LRRC74B: variants seen among roughly 807,000 people sequenced by gnomAD.
LRRC74B encodes leucine rich repeat containing 74B.
A neutral mutation model predicts 16.6 loss-of-function variants in LRRC74B; 30 were observed. That is an observed-to-expected ratio of 1.80 (90% CI 1.35 to 2.45). The LOEUF (loss-of-function observed/expected upper bound fraction) is 2.45, where lower values mean the gene tolerates loss of function less well. LRRC74B is among the 30% of genes most tolerant of loss of function. The pLI is 0.00. For synonymous variants in LRRC74B, 134 were observed against 86.0 expected (o/e 1.56, Z -3.09); for missense variants, 326 against 202.4 (o/e 1.61, Z -3.71).
chr22:21,047,782 AGGT>A, intron 2 of LRRC74B, 99 bp from the exon 3 acceptor site: 1 of 667,636 alleles, frequency 1.5e-6, no homozygotes, highest in Non-Finnish European at 2.8e-6. Flanking sequence ...CACTTAAAAC[AGGT>A]GGGAAGGGGA....
chr22:21,056,292 A>C (rs1434191195), intron 7 of LRRC74B, among the ~76,000 whole-genome samples: 1 of 152,182 alleles, frequency 6.6e-6, no homozygotes, highest in Non-Finnish European at 1.5e-5. Flanking sequence ...GCTTGAGGTC[A>C]GGAGTTTGAG....
rs78913149 is a variant in LRRC74B at position 21,060,158 on chromosome 22, G to C, written c.1024-215G>C. 0.026 allele frequency among the ~76,000 whole-genome samples: 3,899 copies of C among 152,116 alleles called. 320 individuals are homozygous for C. In the East Asian group the frequency reaches 0.28, roughly 11 times the overall value. On this transcript the variant is annotated intron_variant, in intron 8 of 8. Coordinates refer to ENST00000442047, the Ensembl canonical transcript of LRRC74B. ...GCACTCCAGCCTGGTGACACAGTAC[G>C]ATCCCATTTCTAAATAAATAAATAC...
downstream of LRRC74B, chr22:21,062,846 C>A (rs9625448): frequency 0.037 from 5,610 of 151,684 alleles, 123 homozygotes; most frequent in African/African-American, 0.057. Flanking sequence ...TGGGCAGCAT[C>A]GTGAGACCCC....
At chr22:21,055,730 C>T (rs769800264) in intron 7 of LRRC74B, among the ~76,000 whole-genome samples, 5 of 152,126 alleles carry the variant, frequency 3.3e-5, no homozygotes, top group African/African-American at 4.8e-5. Flanking sequence ...CCAGCTCTGT[C>T]GGCCCTCAGC....
intron 6 of LRRC74B, among the ~76,000 whole-genome samples, chr22:21,054,695 G>A (rs539835657): frequency 2.6e-5 from 4 of 152,236 alleles, no homozygotes; most frequent in Non-Finnish European, 5.9e-5. Flanking sequence ...AGACAAAGTG[G>A]TCCAGGGCGG....
chr22:21,062,293 ACT>A (rs966341346), downstream of LRRC74B: 1 of 152,098 alleles, frequency 6.6e-6, no homozygotes, highest in African/African-American at 2.4e-5. Context: ...GTGATGTGCG[ACT>A]CTATGAATAC....
chr22:21,060,479 A>G (rs1479800246), exon 9 of LRRC74B: 2 of 716,300 alleles, frequency 2.8e-6, no homozygotes, highest in Non-Finnish European at 5.2e-6. Flanking sequence ...TATAAAAAGG[A>G]GTTGCTGCCA....
chr22:21,049,769 G>A (rs1454093122), intron 4 of LRRC74B, among the ~76,000 whole-genome samples: 4 of 152,078 alleles, frequency 2.6e-5, no homozygotes, highest in Non-Finnish European at 5.9e-5. Context: ...TGGCAAAAAC[G>A]GTGAAGATTT....
At chr22:21,046,235 G>A (rs1316876787) in intron 1 of LRRC74B, 110 bp downstream of exon 1, 9 of 629,824 alleles carry the variant, frequency 1.4e-5, no homozygotes, top group Middle Eastern at 4.2e-4. Context: ...ACCCGCCTGC[G>A]GGGCGCCTCC....
At chr22:21,063,781 C>T (rs1601827884), downstream of LRRC74B, 1 of 152,202 alleles carries the variant, frequency 6.6e-6, no homozygotes, top group East Asian at 1.9e-4. Flanking sequence ...TCGAGACTAG[C>T]CTGGCCAACA....
At chr22:21,056,501 CAA>C (rs58229327) in intron 7 of LRRC74B, 26 of 114,352 alleles carry the variant, frequency 2.3e-4, no homozygotes, top group East Asian at 2.5e-4. Flanking sequence ...GACTCTGTCT[CAA>C]AAAAAAAAAA....
chr22:21,046,636 A>T (rs1044970403), intron 1 of LRRC74B, among the ~76,000 whole-genome samples: 3 of 151,606 alleles, frequency 2.0e-5, no homozygotes, highest in Non-Finnish European at 2.9e-5. Flanking sequence ...ATATAAATAA[A>T]TTATTTATTT....
At chr22:21,055,235 C>G (rs1930418624) in intron 7 of LRRC74B, 59 bp downstream of exon 7, 1 of 687,986 alleles carries the variant, frequency 1.5e-6, no homozygotes, top group Admixed American at 2.0e-5. Context: ...ACAGTCCACA[C>G]AGATCCCTCC....
chr22:21,060,491 T>A (rs1052504748), exon 9 of LRRC74B: 1 of 716,128 alleles, frequency 1.4e-6, no homozygotes, highest in South Asian at 1.5e-5. Context: ...TTGCTGCCAG[T>A]CTTCAGATCA....
intron 6 of LRRC74B, among the ~76,000 whole-genome samples, chr22:21,054,789 A>G (rs765551558): frequency 5.3e-5 from 8 of 152,234 alleles, no homozygotes; most frequent in Non-Finnish European, 8.8e-5. Flanking sequence ...AGGCGTTGTA[A>G]TGGTGATAGG....
At chr22:21,055,129 AGCCTGG>A in exon 7 of LRRC74B, 2 of 717,358 alleles carry the variant, frequency 2.8e-6, no homozygotes, top group Non-Finnish European at 5.2e-6. Flanking sequence ...GGGAGCCCTG[AGCCTGG>A]GCCTGGGCCT....
chr22:21,048,003 C>T, exon 3 of LRRC74B: 1 of 717,276 alleles, frequency 1.4e-6, no homozygotes. Flanking sequence ...TGAGCAAAAG[C>T]AGCAGCATCC....
At chr22:21,046,453 C>G (rs1388752384) in intron 1 of LRRC74B, among the ~76,000 whole-genome samples, 1 of 149,120 alleles carries the variant, frequency 6.7e-6, no homozygotes, top group African/African-American at 2.5e-5. Context: ...CATTTGTGGC[C>G]TGCAATCCAG....
chr22:21,046,773 A>G (rs1399811552), intron 1 of LRRC74B, among the ~76,000 whole-genome samples: 4 of 152,018 alleles, frequency 2.6e-5, no homozygotes, highest in Admixed American at 6.6e-5. Context: ...CTGGGACTAC[A>G]GGAGACCACC....
Sources: gnomAD v4.1 joint callset for allele counts (sites outside exome capture counted in the v4.1 genomes callset) on GRCh38, gnomAD v4.1.1 for gene constraint, MANE v1.5 for transcripts, NCBI Gene and HGNC (gene_info 2026-07-23, HGNC 2026-07-21) for gene names.